The following MCCC2 variants were observed in gnomAD, a reference collection of about 807,000 sequenced individuals.
MCCC2 encodes the protein methylcrotonoyl-CoA carboxylase beta chain, mitochondrial.
Under a neutral mutation model 77.2 loss-of-function variants are expected in MCCC2, and 52 were observed. The ratio of observed to expected loss-of-function variants is 0.67; its 90% confidence interval spans 0.54 to 0.85. The LOEUF (loss-of-function observed/expected upper bound fraction) is 0.85. MCCC2 is among the 40% of genes least tolerant of loss of function. The pLI is 0.00. For missense variants in MCCC2, 682 were observed against 703.2 expected (o/e 0.97, Z 0.34); for synonymous variants, 253 against 248.4 (o/e 1.02, Z -0.18).
chr5:71,632,567 T>TA (rs1392213339), intron 8 of MCCC2, among the ~76,000 whole-genome samples: 1 of 152,174 alleles, frequency 6.6e-6, no homozygotes, highest in Non-Finnish European at 1.5e-5. Context: ...ATGTGGCTGA[T>TA]ACGCGATAAG....
rs528344097 is a variant in MCCC2, at chr5:71,607,361, C to T, written c.624+2893C>T. ...TCTTCTAGATTTTCTAGTTTATTTG[C>T]GTAGAGGTGTTTGTAGTATTCTCTG... On this transcript the variant is annotated intron_variant, in intron 6 of 16. Transcript: ENST00000340941. Among the ~76,000 whole-genome samples, 359 of 149,886 alleles carry T rather than the reference C, an allele frequency of 2.4e-3. 3 individuals carry two copies. The highest frequency in any genetic ancestry group is 7.5e-3 in the African/African-American group (306 of 40,634).
intron 6 of MCCC2, among the ~76,000 whole-genome samples, chr5:71,625,424 T>A (rs1006141980): frequency 6.6e-6 from 1 of 152,242 alleles, no homozygotes; most frequent in Non-Finnish European, 1.5e-5. Context: ...GTATTAAGTG[T>A]TAACATGACA....
At position 71,658,196 on chromosome 5, in the gene MCCC2, C is replaced by A. The variant is rs948424045; in HGVS notation, c.*1336C>A. 3.3e-5 allele frequency: 5 copies of A among 152,186 alleles called. No individual in the cohort carries two copies. Among genetic ancestry groups the A allele is most frequent in the Non-Finnish European group, 7.3e-5 (5 of 68,050 alleles). 9.4% of individuals were successfully genotyped at this position (152,186 alleles called of 1,614,324 possible). On this transcript the variant is annotated 3_prime_UTR_variant, in exon 17 of 17. Transcript: ENST00000340941. ...CATCTTTAATCTTATCTCTTTGACT[C>A]CTCTTTACACCGGAGAACGGCTCCA... is the stretch of plus-strand genomic sequence containing the variant.
rs1746526017 is a variant in MCCC2 at position 71,626,322 on chromosome 5, C to A, written c.625-318C>A. Reference sequence around the variant, plus strand: ...AAGTCATCCTTTTAATACAGTTTTGCAAAATTATAGGTATATTGTGGATTT... The same window carrying A: ...AAGTCATCCTTTTAATACAGTTTTGAAAAATTATAGGTATATTGTGGATTT... On this transcript the variant is annotated intron_variant, in intron 6 of 16. Transcript: ENST00000340941. Among the ~76,000 whole-genome samples the A allele has an allele frequency of 3.9e-5, 6 of 152,050 alleles. No homozygotes were observed. In the South Asian group the frequency reaches 1.2e-3, roughly 32 times the overall value.
intron 1 of MCCC2, 79 bp downstream of exon 1, chr5:71,587,633 G>C: frequency 6.7e-7 from 1 of 1,500,796 alleles, no homozygotes; most frequent in Non-Finnish European, 8.9e-7. Flanking sequence ...TTCAACAACT[G>C]CTGCTCTCTT....
intron 6 of MCCC2, among the ~76,000 whole-genome samples, chr5:71,618,677 T>A (rs190628790): frequency 6.6e-6 from 1 of 152,172 alleles, no homozygotes; most frequent in Non-Finnish European, 1.5e-5. Context: ...TGAGCCACTA[T>A]GCCAGGCCAA....
chr5:71,594,345 A>G (rs754471459), intron 2 of MCCC2, among the ~76,000 whole-genome samples: 3 of 152,120 alleles, frequency 2.0e-5, no homozygotes, highest in Non-Finnish European at 4.4e-5. Context: ...ACTGAGCAAC[A>G]TGGTGAAACC....
intron 6 of MCCC2, among the ~76,000 whole-genome samples, chr5:71,605,502 T>C (rs1382165725): frequency 6.6e-6 from 1 of 151,636 alleles, no homozygotes; most frequent in Non-Finnish European, 1.5e-5. Context: ...GAGTAGGTTG[T>C]GAAAATTTTC....
intron 2 of MCCC2, among the ~76,000 whole-genome samples, chr5:71,594,311 A>G (rs1177239985): frequency 6.6e-6 from 1 of 152,026 alleles, no homozygotes; most frequent in East Asian, 1.9e-4. Context: ...GGCGGATCAC[A>G]TGAAGTCAGG....
chr5:71,633,117 A>AT (rs1561841336), intron 8 of MCCC2, among the ~76,000 whole-genome samples: 8 of 75,210 alleles, frequency 1.1e-4, no homozygotes, highest in Non-Finnish European at 1.8e-4. Context: ...ATATATATAT[A>AT]TATATATATA....
chr5:71,635,226 A>G lies in MCCC2; in HGVS notation c.979A>G (p.Arg327Gly), dbSNP rs764927541. 3.1e-6 allele frequency: 5 copies of G among 1,614,136 alleles called. No individual in the cohort carries two copies. The highest frequency in any genetic ancestry group is 2.5e-6 in the Non-Finnish European group (3 of 1,179,980). Residue 327 changes from arginine to glycine, a missense_variant, in exon 10 of 17, where the codon AGG (arginine) becomes GGG (glycine). By Grantham distance (125) the Arg-to-Gly change is moderately radical. Transcript: ENST00000340941. ...LYGIVGANLK[R>G]SFDVREVIAR... is the part of the protein sequence containing the mutation. ...TGGAATAGTTGGTGCTAACCTTAAG[A>G]GGAGCTTTGATGTCCGAGAGGTATG...
rs1358119613 is a variant in MCCC2, at chr5:71,657,388, C to T, written c.*528C>T. The T allele has an allele frequency of 6.5e-6, 1 of 154,900 alleles. No homozygotes were observed. Among genetic ancestry groups the T allele is most frequent in the Non-Finnish European group, 1.4e-5 (1 of 70,096 alleles). 9.6% of individuals were successfully genotyped at this position (154,900 alleles called of 1,614,324 possible). A position where few individuals can be genotyped will look rare whatever the true frequency, so the allele number is the denominator to read the frequency against. ...AAACTATACCATTCAAACAACAGCGCTCCCCATTTCCCCCTCCCCCGAGCC... is the reference window on the plus strand; with the variant it reads ...AAACTATACCATTCAAACAACAGCGTTCCCCATTTCCCCCTCCCCCGAGCC... On this transcript the variant is annotated 3_prime_UTR_variant, in exon 17 of 17. Coordinates refer to ENST00000340941, the MANE Select transcript of MCCC2 (RefSeq NM_022132.5).
intron 5 of MCCC2, 156 bp downstream of exon 5, chr5:71,602,789 T>A (rs1745492948): frequency 9.1e-7 from 1 of 1,096,998 alleles, no homozygotes; most frequent in Non-Finnish European, 1.3e-6. Context: ...CTGAAAACTC[T>A]GGGGGAAAGT....
At position 71,599,727 on chromosome 5, in the gene MCCC2, G is replaced by C; in HGVS notation, c.350G>C (p.Gly117Ala). 6.2e-7 allele frequency: 1 copy of C among 1,614,096 alleles called. No individual in the cohort carries two copies. The highest frequency in any genetic ancestry group is 8.5e-7 in the Non-Finnish European group (1 of 1,179,972). The change falls in exon 4 of 17, where the codon GGT (glycine) becomes GCT (alanine). Residue 117 changes from glycine (G) to alanine (A), a missense_variant. Gly to Ala is a moderately conservative substitution (Grantham distance 60). Transcript: ENST00000340941. ...QLYDNEEVPG[G>A]GIITGIGRVS... ...TATGACAATGAGGAGGTGCCAGGAG[G>C]TGGCATTATTACAGGCATTGGAAGA...
At chr5:71,604,246 A>G in intron 5 of MCCC2, 110 bp from the exon 6 acceptor site, 1 of 943,798 alleles carries the variant, frequency 1.1e-6, no homozygotes. Flanking sequence ...AGACAGGGCA[A>G]GTTTTTTGTG....
In MCCC2 at chr5:71,592,782, C is replaced by T; in HGVS notation, c.130-144C>T. The T allele has an allele frequency of 4.3e-6, 3 of 697,414 alleles. No individual in the cohort carries two copies. In the South Asian group the frequency reaches 4.9e-5, roughly 11 times the overall value. 43.2% of individuals were successfully genotyped at this position (697,414 alleles called of 1,614,324 possible). ...CATACGATCCAGTGGCCCAGCGTGG[C>T]TGCCACAGATGGGGTGGCCCAGTGT... On this transcript the variant is annotated intron_variant, in intron 1 of 16. Coordinates refer to ENST00000340941, the MANE Select transcript of MCCC2 (RefSeq NM_022132.5).
intron 6 of MCCC2, among the ~76,000 whole-genome samples, chr5:71,608,017 AGGTGT>A (rs1441634033): frequency 7.6e-6 from 1 of 130,880 alleles, no homozygotes; most frequent in Non-Finnish European, 1.6e-5. Context: ...ATTTTGGAAT[AGGTGT>A]GGTGTGGTGC....
At chr5:71,589,283 C>T (rs1038273859) in intron 1 of MCCC2, among the ~76,000 whole-genome samples, 3 of 152,206 alleles carry the variant, frequency 2.0e-5, no homozygotes, top group African/African-American at 7.2e-5. Flanking sequence ...CTAGGTTGCG[C>T]TTTGTGTAAC....
intron 8 of MCCC2, among the ~76,000 whole-genome samples, 171 bp from the exon 9 acceptor site, chr5:71,634,772 A>C (rs764053915): frequency 6.6e-6 from 1 of 152,232 alleles, no homozygotes; most frequent in Non-Finnish European, 1.5e-5. Flanking sequence ...GTTTTGCCAG[A>C]GTTCTTAAAA....
Sources: gnomAD v4.1 joint callset for allele counts (sites outside exome capture counted in the v4.1 genomes callset) on GRCh38, gnomAD v4.1.1 for gene constraint, MANE v1.5 for transcripts, NCBI Gene and HGNC (gene_info 2026-07-23, HGNC 2026-07-21) for gene names.